FMNL2: variants seen among roughly 807,000 people sequenced by gnomAD.
FMNL2 encodes the protein formin-like protein 2.
A neutral mutation model predicts 130.2 loss-of-function variants in FMNL2; 51 were observed. The ratio of observed to expected loss-of-function variants is 0.39; its 90% confidence interval spans 0.31 to 0.49. The LOEUF (loss-of-function observed/expected upper bound fraction) is 0.49, where lower values mean the gene tolerates loss of function less well. Among genes scored for constraint, FMNL2 ranks in the 20% least tolerant of loss-of-function variants. The pLI is 0.85. For synonymous variants in FMNL2, 465 were observed against 467.1 expected (o/e 1.00, Z 0.06); for missense variants, 977 against 1,316.2 (o/e 0.74, Z 3.99).
intron 11 of FMNL2, among the ~76,000 whole-genome samples, chr2:152,611,807 C>T (rs1698699461): frequency 6.6e-6 from 1 of 152,248 alleles, no homozygotes; most frequent in Non-Finnish European, 1.5e-5. Flanking sequence ...GATCTCAGGT[C>T]ATCTTCTGCT....
intron 1 of FMNL2, among the ~76,000 whole-genome samples, chr2:152,453,705 T>C (rs1308175845): frequency 6.6e-6 from 1 of 152,194 alleles, no homozygotes; most frequent in Non-Finnish European, 1.5e-5. Context: ...TATTGACTAA[T>C]TTAGATTGTA....
At chr2:152,390,839 A>G (rs1048564511) in intron 1 of FMNL2, among the ~76,000 whole-genome samples, 1 of 152,188 alleles carries the variant, frequency 6.6e-6, no homozygotes, top group Non-Finnish European at 1.5e-5. Flanking sequence ...CATTAAAGCA[A>G]TTTGCCCAGC....
chr2:152,461,682 A>G (rs139464431), intron 1 of FMNL2, among the ~76,000 whole-genome samples: 1 of 152,334 alleles, frequency 6.6e-6, no homozygotes, highest in East Asian at 1.9e-4. Context: ...CAGCACAGAT[A>G]TGGATGTTGA....
At chr2:152,423,674 C>T (rs1460567318) in intron 1 of FMNL2, among the ~76,000 whole-genome samples, 1 of 152,114 alleles carries the variant, frequency 6.6e-6, no homozygotes, top group Non-Finnish European at 1.5e-5. Flanking sequence ...CTCTTCTTTG[C>T]CTTGGTATCA....
chr2:152,397,753 A>G (rs1685478591), intron 1 of FMNL2, among the ~76,000 whole-genome samples: 1 of 152,076 alleles, frequency 6.6e-6, no homozygotes, highest in Non-Finnish European at 1.5e-5. Context: ...AAGTGGACAC[A>G]ATACCACTGA....
At chr2:152,362,394 A>G (rs1190294127) in intron 1 of FMNL2, among the ~76,000 whole-genome samples, 1 of 152,190 alleles carries the variant, frequency 6.6e-6, no homozygotes. Context: ...AAACTTTTAA[A>G]TCACTTTCTT....
chr2:152,611,578 C>A lies in FMNL2; in HGVS notation c.1035C>A (p.Thr345=). Residue 345 remains threonine, a synonymous_variant, in exon 11 of 26, where the codon ACC becomes ACA. Transcript: ENST00000288670. ...GAGTTCACCTGCAGTATGAATTTAC[C>A]AAATTAGGCCTGGACGAATACTTGG... The part of the protein sequence containing the change: ...NFRVHLQYEF[T]KLGLDEYLDK... 6.2e-7 allele frequency: 1 copy of A among 1,601,440 alleles called. No homozygotes were observed. The highest frequency in any genetic ancestry group is 8.5e-7 in the Non-Finnish European group (1 of 1,172,232).
chr2:152,608,558 GTATA>G (rs1165218500), intron 10 of FMNL2, among the ~76,000 whole-genome samples: 2 of 146,124 alleles, frequency 1.4e-5, no homozygotes, highest in African/African-American at 5.0e-5. Flanking sequence ...ACATATATAT[GTATA>G]TATATGTGTC....
intron 1 of FMNL2, among the ~76,000 whole-genome samples, chr2:152,368,559 A>G (rs926010547): frequency 2.6e-5 from 4 of 152,060 alleles, no homozygotes; most frequent in Admixed American, 6.6e-5. Flanking sequence ...TGAAGGATGG[A>G]ATAAGTTGAC....
At chr2:152,645,667 C>CCTCT in intron 25 of FMNL2, 1 of 421,050 alleles carries the variant, frequency 2.4e-6, no homozygotes, top group Non-Finnish European at 4.2e-6. Flanking sequence ...AGGGATTGAG[C>CCTCT]CTCTCTGTTG....
At chr2:152,477,769 T>C (rs1690237010) in intron 1 of FMNL2, among the ~76,000 whole-genome samples, 1 of 152,076 alleles carries the variant, frequency 6.6e-6, no homozygotes, top group Non-Finnish European at 1.5e-5. Context: ...AGAAAAGTGG[T>C]TTGGATTCTT....
chr2:152,393,633 A>G (rs1382935169), intron 1 of FMNL2, among the ~76,000 whole-genome samples: 1 of 152,236 alleles, frequency 6.6e-6, no homozygotes, highest in Non-Finnish European at 1.5e-5. Context: ...GTGAAAGTGA[A>G]CATTTTCTAT....
intron 1 of FMNL2, among the ~76,000 whole-genome samples, chr2:152,412,058 T>A (rs955122076): frequency 6.6e-6 from 1 of 152,152 alleles, no homozygotes; most frequent in Non-Finnish European, 1.5e-5. Flanking sequence ...TTAATCTCCC[T>A]CTCCCTAAGC....
At chr2:152,401,563 A>G (rs1377535332) in intron 1 of FMNL2, among the ~76,000 whole-genome samples, 1 of 152,230 alleles carries the variant, frequency 6.6e-6, no homozygotes, top group African/African-American at 2.4e-5. Flanking sequence ...TGTGCAAAAT[A>G]TCAAAGAATA....
chr2:152,559,648 G>A (rs1695416147), intron 5 of FMNL2, among the ~76,000 whole-genome samples: 1 of 152,166 alleles, frequency 6.6e-6, no homozygotes, highest in South Asian at 2.1e-4. Context: ...TCTGCTGTGT[G>A]AGAGTGAGGA....
intron 1 of FMNL2, chr2:152,390,176 G>A (rs1450792608): frequency 1.0e-5 from 13 of 1,305,538 alleles, no homozygotes; most frequent in Admixed American, 1.7e-5. Context: ...AGAGCCTGTC[G>A]GAGCTGGACC....
At chr2:152,347,819 T>C (rs1289591856) in intron 1 of FMNL2, among the ~76,000 whole-genome samples, 1 of 152,230 alleles carries the variant, frequency 6.6e-6, no homozygotes, top group Non-Finnish European at 1.5e-5. Flanking sequence ...CTCTCTTCTT[T>C]TCTCTGCTTT....
chr2:152,596,439 T>C (rs1021934103), intron 9 of FMNL2, among the ~76,000 whole-genome samples: 1 of 152,260 alleles, frequency 6.6e-6, no homozygotes, highest in African/African-American at 2.4e-5. Context: ...GTTATCCATT[T>C]ATTTGCTTCT....
chr2:152,452,410 G>A (rs1344237187), intron 1 of FMNL2, among the ~76,000 whole-genome samples: 1 of 152,162 alleles, frequency 6.6e-6, no homozygotes, highest in African/African-American at 2.4e-5. Flanking sequence ...TCCTGGAGTC[G>A]CCATTGGAAG....
Sources: gnomAD v4.1 joint callset for allele counts (sites outside exome capture counted in the v4.1 genomes callset) on GRCh38, gnomAD v4.1.1 for gene constraint, MANE v1.5 for transcripts, NCBI Gene and HGNC (gene_info 2026-07-23, HGNC 2026-07-21) for gene names.